The following USP6NL variants were observed in gnomAD, a reference collection of about 807,000 sequenced individuals.
USP6NL encodes the protein USP6 N-terminal like, also known as USP6 N-terminal-like protein.
In USP6NL, 26 loss-of-function variants were observed where a neutral mutation model predicts 61.9. That is an observed-to-expected ratio of 0.42 (90% CI 0.31 to 0.58). USP6NL has a LOEUF of 0.58. Ranked by LOEUF, USP6NL falls within the 20% of genes least tolerant of loss-of-function variation. USP6NL has a pLI of 0.16. For synonymous variants in USP6NL, 432 were observed against 390.1 expected (o/e 1.11, Z -1.27); for missense variants, 1,114 against 1,034.3 (o/e 1.08, Z -1.06).
chr10:11,594,555 C>T (rs1008802186), intron 2 of USP6NL, among the ~76,000 whole-genome samples: 3 of 152,160 alleles, frequency 2.0e-5, no homozygotes, highest in Non-Finnish European at 2.9e-5. Flanking sequence ...TCCACCTTTA[C>T]AATCCCCCTT....
In USP6NL at chr10:11,540,871, CT is replaced by C. The variant is rs1836020816; in HGVS notation, c.5-13305del. On this transcript the variant is annotated intron_variant, in intron 2 of 14. Transcript: ENST00000609104. The surrounding 1 kb of genome is among the most constrained non-coding windows in gnomAD (Gnocchi z 5.0). ...GAGTTATGTAAGTATTACTGGGTCC[CT>C]GAATGGCCCTTGGGTTCAAATTTGA... 6.6e-6 allele frequency among the ~76,000 whole-genome samples: 1 copy of C among 152,042 alleles called. No homozygotes were observed. The highest frequency in any genetic ancestry group is 6.6e-5 in the Admixed American group (1 of 15,262).
chr10:11,605,832 CA>C (rs1468587558), intron 1 of USP6NL, among the ~76,000 whole-genome samples: 1 of 152,076 alleles, frequency 6.6e-6, no homozygotes, highest in Non-Finnish European at 1.5e-5. Context: ...AAAAAAGATA[CA>C]AAAAGATGAA....
At position 11,527,482 on chromosome 10, in the gene USP6NL, T is replaced by A; in HGVS notation, c.72+18A>T. 6.3e-7 allele frequency: 1 copy of A among 1,588,350 alleles called. No homozygotes were observed. The highest frequency in any genetic ancestry group is 1.1e-5 in the South Asian group (1 of 86,962). Reference sequence around the variant, plus strand: ...TTTCTAATAAAACTCACCCAAAGTGTTAAATATGGATACTTACTCTGTCAT... The same window carrying A: ...TTTCTAATAAAACTCACCCAAAGTGATAAATATGGATACTTACTCTGTCAT... On this transcript the variant is annotated intron_variant, in intron 3 of 14. Coordinates refer to ENST00000609104, the MANE Select transcript of USP6NL (RefSeq NM_014688.5).
rs2133660127 is a variant in USP6NL, at chr10:11,596,271, C to G, written c.4+1360G>C. 6.6e-6 allele frequency among the ~76,000 whole-genome samples: 1 copy of G among 152,300 alleles called. No homozygotes were observed. The highest frequency in any genetic ancestry group is 1.9e-4 in the East Asian group (1 of 5,192). ...TAATTACCATCTTCACTAGAGTTAG[C>G]ACTTTACATTAGATAAACTTTCTCA... On this transcript the variant is annotated intron_variant, in intron 2 of 14. Coordinates refer to ENST00000609104, the MANE Select transcript of USP6NL (RefSeq NM_014688.5). The surrounding 1 kb of genome is among the most constrained non-coding windows in gnomAD (Gnocchi z 4.1).
At chr10:11,543,357 C>T (rs138003747) in intron 2 of USP6NL, among the ~76,000 whole-genome samples, 2 of 152,008 alleles carry the variant, frequency 1.3e-5, no homozygotes, top group African/African-American at 4.8e-5. Context: ...CTGGCTAACA[C>T]GGTGAAACCC....
chr10:11,603,461 G>A (rs1466440370), intron 1 of USP6NL, among the ~76,000 whole-genome samples: 1 of 152,126 alleles, frequency 6.6e-6, no homozygotes, highest in Non-Finnish European at 1.5e-5. Flanking sequence ...AAGTTAAAAT[G>A]AAGGATACAA....
In USP6NL at chr10:11,463,497, T is replaced by G; in HGVS notation, c.1431A>C (p.Ser477=). Residue 477 remains serine (S), a synonymous_variant, in exon 15 of 15, where the codon TCA becomes TCC. Coordinates refer to ENST00000609104, the MANE Select transcript of USP6NL (RefSeq NM_014688.5). The surrounding 1 kb of genome is among the most constrained non-coding windows in gnomAD (Gnocchi z 6.3). ...AAANQNSNAT[S]NIRKEFVPKW... ...TGGGCACAAACTCCTTCCTGATATTTGAAGTGGCGTTGCTATTTTGGTTGG... is the reference window on the plus strand; with the variant it reads ...TGGGCACAAACTCCTTCCTGATATTGGAAGTGGCGTTGCTATTTTGGTTGG... 1 of 1,614,054 alleles carries G rather than the reference T, an allele frequency of 6.2e-7. No homozygotes were observed.
chr10:11,471,353 T>C (rs1185802391), intron 14 of USP6NL, among the ~76,000 whole-genome samples: 2 of 152,194 alleles, frequency 1.3e-5, no homozygotes, highest in East Asian at 1.9e-4. Context: ...TGTGGAGAAA[T>C]AGGAACACTT....
In USP6NL at chr10:11,540,064, T is replaced by C. The variant is rs766851259; in HGVS notation, c.5-12497A>G. On this transcript the variant is annotated intron_variant, in intron 2 of 14. Transcript: ENST00000609104. This position sits in a 1 kb window ranked among gnomAD's most constrained non-coding sequence, Gnocchi z 5.0. ...GTGTAAGTATTAATAGTTGATCTTA[T>C]ACATTTCTGCTCACTTCTGCTAGTC... 2.0e-5 allele frequency among the ~76,000 whole-genome samples: 3 copies of C among 152,234 alleles called. No individual in the cohort carries two copies. The highest frequency in any genetic ancestry group is 6.5e-5 in the Admixed American group (1 of 15,288).
In USP6NL at chr10:11,597,660, C is replaced by T. The variant is rs1838374102; in HGVS notation, c.-26G>A. 2.6e-6 allele frequency: 4 copies of T among 1,550,560 alleles called. No homozygotes were observed. Among genetic ancestry groups the T allele is most frequent in the African/African-American group, 1.4e-5 (1 of 73,012 alleles). On this transcript the variant is annotated 5_prime_UTR_variant, in exon 2 of 15. Coordinates refer to ENST00000609104, the MANE Select transcript of USP6NL (RefSeq NM_014688.5). This position sits in a 1 kb window ranked among gnomAD's most constrained non-coding sequence, Gnocchi z 4.6. The stretch of plus-strand genomic sequence containing the variant: ...GACTGGAAATGGGTCTGAATGTTGT[C>T]CCAATCAGATATTAAACCAAAATCT...
intron 6 of USP6NL, 39 bp from the exon 7 acceptor site, chr10:11,501,247 A>G (rs1464217480): frequency 6.6e-7 from 1 of 1,515,300 alleles, no homozygotes; most frequent in East Asian, 2.3e-5. Context: ...TACAAACTGA[A>G]AAAAACTTAG....
In USP6NL at chr10:11,485,094, C is replaced by CA; in HGVS notation, c.826-25dup. 2 of 1,535,082 alleles carry CA rather than the reference C, an allele frequency of 1.3e-6. No individual in the cohort carries two copies. Among genetic ancestry groups the CA allele is most frequent in the South Asian group, 1.3e-5 (1 of 79,830 alleles). ...GTCTACAATTAAAAGCAAAACAAAA[C>CA]AAAAATAGGGTTAACAGCTTCCCCT... On this transcript the variant is annotated intron_variant, in intron 12 of 14. Transcript: ENST00000609104. The surrounding 1 kb of genome is among the most constrained non-coding windows in gnomAD (Gnocchi z 4.8).
At chr10:11,603,357 A>T (rs757839967) in intron 1 of USP6NL, among the ~76,000 whole-genome samples, 54 of 152,240 alleles carry the variant, frequency 3.5e-4, no homozygotes, top group Non-Finnish European at 6.6e-4. Context: ...GGGCCTTTTA[A>T]AAATGACCTA....
In USP6NL at chr10:11,561,152, G is replaced by C. The variant is rs184604144; in HGVS notation, c.5-33585C>G. Among the ~76,000 whole-genome samples the C allele has an allele frequency of 5.9e-5, 9 of 152,220 alleles. No homozygotes were observed. Among genetic ancestry groups the C allele is most frequent in the African/African-American group, 1.4e-4 (6 of 41,544 alleles). On this transcript the variant is annotated intron_variant, in intron 2 of 14. Coordinates refer to ENST00000609104, the MANE Select transcript of USP6NL (RefSeq NM_014688.5). This position sits in a 1 kb window ranked among gnomAD's most constrained non-coding sequence, Gnocchi z 4.1. ...ATTACATTTTAAGTAGTTTCATCCA[G>C]AATAGCTAAAATATGTTTGTGCTTT...
chr10:11,483,612 A>G (rs1472757795), intron 13 of USP6NL, among the ~76,000 whole-genome samples: 13 of 6,064 alleles, frequency 2.1e-3, no homozygotes, highest in African/African-American at 2.8e-3. Context: ...GGGGAGGGGG[A>G]GAGGGGGGGA....
At chr10:11,535,081 T>G (rs1835781722) in intron 2 of USP6NL, among the ~76,000 whole-genome samples, 1 of 152,236 alleles carries the variant, frequency 6.6e-6, no homozygotes, top group Non-Finnish European at 1.5e-5. Context: ...CAGTACATCA[T>G]GGAGACCGTA....
At chr10:11,578,638 A>T (rs551528408) in intron 2 of USP6NL, among the ~76,000 whole-genome samples, 3 of 152,348 alleles carry the variant, frequency 2.0e-5, no homozygotes, top group Admixed American at 2.0e-4. Context: ...ATTATTTTTT[A>T]AAATTTTTAA....
chr10:11,533,416 A>G (rs1835728359), intron 2 of USP6NL, among the ~76,000 whole-genome samples: 1 of 152,264 alleles, frequency 6.6e-6, no homozygotes, highest in Admixed American at 6.5e-5. Context: ...ATGTTGCCTC[A>G]TAATTGCAAA....
rs1439269890 is a variant in USP6NL at position 11,462,993 on chromosome 10, G to A, written c.1935C>T (p.His645=). The stretch of plus-strand genomic sequence containing the variant: ...CAAAGCTGCTGTTGGCAGTAGGGAA[G>A]TGTTTGGGAGAGTTTCCGTGGTAAA... ...PPVYHGNSPK[H]FPTANSSFAS... The change falls in exon 15 of 15, where the codon CAC becomes CAT. Residue 645 remains histidine, a synonymous_variant. Transcript: ENST00000609104. The A allele has an allele frequency of 1.9e-6, 3 of 1,614,010 alleles. No homozygotes were observed. Among genetic ancestry groups the A allele is most frequent in the East Asian group, 2.2e-5 (1 of 44,880 alleles).
Sources: gnomAD v4.1 joint callset for allele counts (sites outside exome capture counted in the v4.1 genomes callset) on GRCh38, gnomAD v4.1.1 for gene constraint, Gnocchi (gnomAD v3.1) non-coding constraint, MANE v1.5 for transcripts, NCBI Gene and HGNC (gene_info 2026-07-23, HGNC 2026-07-21) for gene names.